The following ARNT2 variants were observed in gnomAD, a reference collection of about 807,000 sequenced individuals.
ARNT2 encodes aryl hydrocarbon receptor nuclear translocator 2, also known as ARNT protein 2.
Under a neutral mutation model 91.7 loss-of-function variants are expected in ARNT2, and 36 were observed. The observed-to-expected ratio is 0.39, with a 90% CI of 0.30 to 0.52. ARNT2 has a LOEUF of 0.52. Among genes scored for constraint, ARNT2 ranks in the 20% least tolerant of loss-of-function variants. The probability of loss-of-function intolerance (pLI) is 0.72; values close to 1 mark genes in which losing one functional copy is unlikely to be tolerated. For missense variants in ARNT2, 775 were observed against 939.3 expected (o/e 0.83, Z 2.29); for synonymous variants, 365 against 347.1 (o/e 1.05, Z -0.57).
intron 8 of ARNT2, among the ~76,000 whole-genome samples, chr15:80,516,245 G>A (rs1349129237): frequency 6.6e-6 from 1 of 152,156 alleles, no homozygotes; most frequent in African/African-American, 2.4e-5. Flanking sequence ...TGTTTTTATT[G>A]ACTTTTTTGC....
At chr15:80,443,907 G>A (rs922425330) in intron 1 of ARNT2, among the ~76,000 whole-genome samples, 2 of 152,240 alleles carry the variant, frequency 1.3e-5, no homozygotes, top group East Asian at 1.9e-4. Flanking sequence ...CTCTTTGGTG[G>A]TTTTGCTTCA....
At chr15:80,472,157 A>G (rs1308142719) in intron 4 of ARNT2, among the ~76,000 whole-genome samples, 1 of 152,126 alleles carries the variant, frequency 6.6e-6, no homozygotes, top group African/African-American at 2.4e-5. Flanking sequence ...CAGGGCATGC[A>G]GTTAGGAAAT....
chr15:80,456,883 AG>A (rs1279688848), intron 2 of ARNT2, among the ~76,000 whole-genome samples: 1 of 151,224 alleles, frequency 6.6e-6, no homozygotes, highest in Non-Finnish European at 1.5e-5. Flanking sequence ...GCTGCCAGGC[AG>A]GCTGGCCTTC....
intron 5 of ARNT2, among the ~76,000 whole-genome samples, chr15:80,476,985 C>T (rs192988096): frequency 1.2e-4 from 18 of 152,296 alleles, no homozygotes; most frequent in East Asian, 1.2e-3. Flanking sequence ...GTCCTGCTCT[C>T]GTGATAGTGA....
intron 5 of ARNT2, among the ~76,000 whole-genome samples, chr15:80,484,779 A>G (rs1595982434): frequency 6.6e-6 from 1 of 152,108 alleles, no homozygotes; most frequent in Admixed American, 6.6e-5. Flanking sequence ...AGTGAGCTCC[A>G]CCAGCCGTGT....
intron 8 of ARNT2, among the ~76,000 whole-genome samples, chr15:80,526,650 C>G (rs898198766): frequency 6.6e-6 from 1 of 152,154 alleles, no homozygotes; most frequent in African/African-American, 2.4e-5. Flanking sequence ...GTGTTGGCTC[C>G]CTTGTGTGCT....
At chr15:80,431,992 T>A (rs1896018334) in intron 1 of ARNT2, among the ~76,000 whole-genome samples, 1 of 152,220 alleles carries the variant, frequency 6.6e-6, no homozygotes. Flanking sequence ...CAAGCTCAGG[T>A]ATGTCAGCCT....
intron 4 of ARNT2, 50 bp from the exon 5 acceptor site, chr15:80,474,960 C>A: frequency 1.3e-6 from 2 of 1,568,808 alleles, no homozygotes; most frequent in South Asian, 1.1e-5. Context: ...AAAGTTGAAT[C>A]ATCCTGGGTC....
At chr15:80,456,113 A>C (rs748731101) in intron 2 of ARNT2, among the ~76,000 whole-genome samples, 2 of 152,118 alleles carry the variant, frequency 1.3e-5, no homozygotes, top group Non-Finnish European at 1.5e-5. Flanking sequence ...AATTATGCAG[A>C]ATATTGATAG....
chr15:80,441,475 C>T (rs1374913336), intron 1 of ARNT2: 1 of 821,208 alleles, frequency 1.2e-6, no homozygotes, highest in Non-Finnish European at 1.5e-6. Flanking sequence ...GTTGCCTGCC[C>T]TCACCCCCCT....
chr15:80,549,288 A>G (rs1193342809), intron 8 of ARNT2, among the ~76,000 whole-genome samples: 1 of 152,208 alleles, frequency 6.6e-6, no homozygotes, highest in Non-Finnish European at 1.5e-5. Context: ...GGAAAACAAG[A>G]GTGAATTTTT....
At chr15:80,561,454 C>T (rs911565203) in intron 11 of ARNT2, among the ~76,000 whole-genome samples, 1 of 152,198 alleles carries the variant, frequency 6.6e-6, no homozygotes. Flanking sequence ...AGAACCACAC[C>T]CGAATGCTAC....
intron 5 of ARNT2, among the ~76,000 whole-genome samples, chr15:80,476,999 A>G (rs1215930163): frequency 2.6e-5 from 4 of 152,140 alleles, no homozygotes; most frequent in East Asian, 3.9e-4. Context: ...ATAGTGAGTG[A>G]GTTCTCACAA....
chr15:80,438,511 C>T (rs1335439668), intron 1 of ARNT2, among the ~76,000 whole-genome samples: 1 of 152,070 alleles, frequency 6.6e-6, no homozygotes. Context: ...AATTTAAAAT[C>T]CTAAAGATTG....
chr15:80,521,688 TGCCATC>T (rs1199363024), intron 8 of ARNT2, among the ~76,000 whole-genome samples: 1 of 152,138 alleles, frequency 6.6e-6, no homozygotes, highest in Non-Finnish European at 1.5e-5. Context: ...GAAACGCCAA[TGCCATC>T]TTCATGCTTG....
At chr15:80,577,535 T>C (rs1370018436) in intron 15 of ARNT2, among the ~76,000 whole-genome samples, 1 of 152,168 alleles carries the variant, frequency 6.6e-6, no homozygotes, top group Non-Finnish European at 1.5e-5. Flanking sequence ...GACAGAAGCA[T>C]CAACTGGGAA....
At chr15:80,524,654 T>C (rs1030874208) in intron 8 of ARNT2, among the ~76,000 whole-genome samples, 1 of 151,964 alleles carries the variant, frequency 6.6e-6, no homozygotes, top group Non-Finnish European at 1.5e-5. Context: ...AGGCGGGCGA[T>C]TCATGAGGTC....
intron 1 of ARNT2, among the ~76,000 whole-genome samples, chr15:80,428,888 A>G (rs1895969909): frequency 6.6e-6 from 1 of 152,236 alleles, no homozygotes; most frequent in South Asian, 2.1e-4. Flanking sequence ...TGTTCATTCG[A>G]CACATGCTTC....
chr15:80,410,127 A>T (rs1895659432), intron 1 of ARNT2, among the ~76,000 whole-genome samples: 1 of 152,196 alleles, frequency 6.6e-6, no homozygotes, highest in Admixed American at 6.5e-5. Flanking sequence ...AGGAAAAGTA[A>T]GACTCCAGTT....
Sources: allele counts gnomAD v4.1 joint callset (sites outside exome capture counted in the v4.1 genomes callset), GRCh38; gene constraint gnomAD v4.1.1; transcripts MANE v1.5; gene names NCBI Gene and HGNC (gene_info 2026-07-23, HGNC 2026-07-21).